Variants in RYR2 observed in about 807,000 individuals in gnomAD.
RYR2 encodes ryanodine receptor 2, also known as cardiac muscle ryanodine receptor-calcium release channel.
In RYR2, 227 loss-of-function variants were observed where a neutral mutation model predicts 601.1. That is an observed-to-expected ratio of 0.38 (90% CI 0.34 to 0.42). The LOEUF (loss-of-function observed/expected upper bound fraction) is 0.42, where lower values mean the gene tolerates loss of function less well. Ranked by LOEUF, RYR2 falls within the 10% of genes least tolerant of loss-of-function variation. The probability of loss-of-function intolerance (pLI) is 1.00; values close to 1 mark genes in which losing one functional copy is unlikely to be tolerated. For synonymous variants in RYR2, 2,223 were observed against 2,175.1 expected, an observed-to-expected ratio of 1.02 and a Z score of -0.61; for missense variants, 4,646 against 6,156.5, an observed-to-expected ratio of 0.75 and a Z score of 8.21.
At chr1:237,056,097 C>G (rs1661995587) in intron 1 of RYR2, among the ~76,000 whole-genome samples, 1 of 148,454 alleles carries the variant, frequency 6.7e-6, no homozygotes, top group East Asian at 2.1e-4. Flanking sequence ...AGGACTGGAG[C>G]ATTGCATCTG....
intron 1 of RYR2, among the ~76,000 whole-genome samples, chr1:237,056,225 C>G (rs563796422): frequency 6.7e-6 from 1 of 149,142 alleles, no homozygotes; most frequent in Non-Finnish European, 1.5e-5. Flanking sequence ...CCTGTGAGGA[C>G]TGGAGCACTG....
intron 80 of RYR2, among the ~76,000 whole-genome samples, chr1:237,747,452 C>A (rs960604790): frequency 6.6e-6 from 1 of 152,206 alleles, no homozygotes; most frequent in African/African-American, 2.4e-5. Context: ...CTAACATACT[C>A]AAACCAATAC....
chr1:237,584,507 T>G (rs531704323), intron 29 of RYR2, among the ~76,000 whole-genome samples: 1 of 152,286 alleles, frequency 6.6e-6, no homozygotes, highest in East Asian at 1.9e-4. Flanking sequence ...ATATTCCCAG[T>G]GTGTAGAACA....
At chr1:237,234,070 CATATA>C (rs1685287272) in intron 1 of RYR2, among the ~76,000 whole-genome samples, 1 of 152,122 alleles carries the variant, frequency 6.6e-6, no homozygotes, top group African/African-American at 2.4e-5. Context: ...GAGCAAGAGA[CATATA>C]CATGAAATAC....
chr1:237,701,707 CTAT>C (rs1687982270), intron 65 of RYR2, among the ~76,000 whole-genome samples: 1 of 151,304 alleles, frequency 6.6e-6, no homozygotes. Flanking sequence ...TGAGTCTTGT[CTAT>C]TATTCTCCTC....
rs551386577 is a variant in RYR2 at position 237,732,144 on chromosome 1, G to T, written c.11034G>T (p.Glu3678Asp). 2 of 1,600,106 alleles carry T rather than the reference G, an allele frequency of 1.2e-6. No individual in the cohort carries two copies. The highest frequency in any genetic ancestry group is 1.3e-5 in the African/African-American group (1 of 74,690). Residue 3678 changes from glutamate (E) to aspartate (D), a missense_variant, in exon 78 of 105, where the codon GAG becomes GAT. By Grantham distance (45) the Glu-to-Asp change is conservative (BLOSUM62 2). This residue lies in a region of RYR2 where 1,497 missense variants were observed against 1,842.6 expected (regional missense o/e 0.81). Transcript: ENST00000366574. ...TGTTTAGTCGGACAGCTTTAACAGA[G>T]AAATGGTATGGTTGGGAGGGTTCCT... ...ILLFSRTALT[E>D]KCKLEEDFLY...
At chr1:237,565,153 CTTTCTCTTTCTTTCTTTCTT>C (rs1671863736) in intron 27 of RYR2, among the ~76,000 whole-genome samples, 2 of 84,602 alleles carry the variant, frequency 2.4e-5, no homozygotes, top group African/African-American at 8.5e-5. Context: ...TTCTTTCTTT[CTTTCTCTTTCTTTCTTTCTT>C]TCTTTCTTTC....
At chr1:237,653,169 C>T (rs984683634) in intron 51 of RYR2, among the ~76,000 whole-genome samples, 7 of 152,180 alleles carry the variant, frequency 4.6e-5, no homozygotes, top group Middle Eastern at 3.4e-3. Flanking sequence ...TAAGGAGCAA[C>T]GTAGACAATC....
In RYR2 at chr1:237,617,032, G is replaced by A. The variant is rs143967960; in HGVS notation, c.5716-254G>A. 7.2e-5 allele frequency among the ~76,000 whole-genome samples: 11 copies of A among 152,208 alleles called. No individual in the cohort carries two copies. In the East Asian group the frequency reaches 2.1e-3, roughly 29 times the overall value. ...ACATGTGGGGGTTATTACAATTCAA[G>A]GTGAGATTTCATGGGGAAAGAACCA... On this transcript the variant is annotated intron_variant, in intron 37 of 104. Transcript: ENST00000366574.
In RYR2 at chr1:237,639,034, T is replaced by C. The variant is rs1429570867; in HGVS notation, c.6948T>C (p.Asn2316=). ...VFCNGESVEE[N]ANVVVRLLIR... Reference sequence around the variant, plus strand: ...CTTTAGGGGAGAGTGTGGAGGAAAATGCAAATGTCGTGGTGAGATTGCTCA... The same window carrying C: ...CTTTAGGGGAGAGTGTGGAGGAAAACGCAAATGTCGTGGTGAGATTGCTCA... Residue 2316 remains asparagine (N), a synonymous_variant, in exon 46 of 105, where the codon AAT becomes AAC. Transcript: ENST00000366574. 2.5e-6 allele frequency: 4 copies of C among 1,613,734 alleles called. No individual in the cohort carries two copies. Among genetic ancestry groups the C allele is most frequent in the Admixed American group, 3.3e-5 (2 of 59,976 alleles).
chr1:237,056,346 C>CCTGCACCTGTGAGGACTGGAGCA (rs1662050648), intron 1 of RYR2, among the ~76,000 whole-genome samples: 18 of 56,292 alleles, frequency 3.2e-4, no homozygotes, highest in South Asian at 6.2e-4. Context: ...GGACTGGAGC[C>CCTGCACCTGTGAGGACTGGAGCA]CTGCACCTGT....
At chr1:237,203,899 G>C (rs957490349) in intron 1 of RYR2, among the ~76,000 whole-genome samples, 5 of 152,118 alleles carry the variant, frequency 3.3e-5, no homozygotes, top group African/African-American at 1.2e-4. Flanking sequence ...TCTCACCATA[G>C]ATTAGTTTTC....
intron 1 of RYR2, among the ~76,000 whole-genome samples, chr1:237,112,776 A>C (rs1339938678): frequency 6.6e-6 from 1 of 152,134 alleles, no homozygotes; most frequent in African/African-American, 2.4e-5. Flanking sequence ...AATGGGGATC[A>C]TGATTCTTCC....
intron 1 of RYR2, among the ~76,000 whole-genome samples, chr1:237,240,335 C>A (rs1205895284): frequency 1.3e-5 from 2 of 152,062 alleles, no homozygotes; most frequent in Non-Finnish European, 2.9e-5. Context: ...AAAAGTGAAT[C>A]CAAATATAAT....
At chr1:237,421,745 T>C (rs1705608065) in intron 11 of RYR2, among the ~76,000 whole-genome samples, 1 of 152,232 alleles carries the variant, frequency 6.6e-6, no homozygotes, top group Non-Finnish European at 1.5e-5. Flanking sequence ...TGACTCATTG[T>C]ATTTTGACAA....
At chr1:237,284,548 G>GTATA (rs146853072) in intron 2 of RYR2, among the ~76,000 whole-genome samples, 63,915 of 140,242 alleles carry the variant, frequency 0.46, 16,645 homozygotes, top group East Asian at 0.76. Flanking sequence ...TATAGTGTGT[G>GTATA]TATATATATA....
chr1:237,274,131 C>T (rs922662656), intron 2 of RYR2, among the ~76,000 whole-genome samples: 4 of 145,380 alleles, frequency 2.8e-5, no homozygotes, highest in Non-Finnish European at 4.5e-5. Context: ...GTAGGTATTA[C>T]ATATGATAAC....
intron 25 of RYR2, among the ~76,000 whole-genome samples, chr1:237,534,780 G>A (rs1185910412): frequency 6.6e-6 from 1 of 151,778 alleles, no homozygotes; most frequent in East Asian, 1.9e-4. Flanking sequence ...CTTATAAATG[G>A]ATGATTCAAA....
intron 17 of RYR2, among the ~76,000 whole-genome samples, chr1:237,490,261 G>T (rs1485040968): frequency 6.6e-6 from 1 of 152,178 alleles, no homozygotes; most frequent in African/African-American, 2.4e-5. Flanking sequence ...GGGATCAATT[G>T]TACTGCAAAC....
Sources: gnomAD v4.1 joint callset for allele counts (sites outside exome capture counted in the v4.1 genomes callset) on GRCh38, gnomAD v4.1.1 for gene constraint, gnomAD v4.1.1 regional missense constraint, MANE v1.5 for transcripts, NCBI Gene and HGNC (gene_info 2026-07-23, HGNC 2026-07-21) for gene names.